The following ANO6 variants were observed in gnomAD, a reference collection of about 807,000 sequenced individuals.
ANO6 encodes the protein anoctamin 6, also known as anoctamin-6.
Under a neutral mutation model 117.5 loss-of-function variants are expected in ANO6, and 106 were observed. That is an observed-to-expected ratio of 0.90 (90% CI 0.77 to 1.06). The LOEUF (loss-of-function observed/expected upper bound fraction) is 1.06, where lower values mean the gene tolerates loss of function less well. ANO6 is among the 50% of genes least tolerant of loss of function. The pLI is 0.00. For synonymous variants in ANO6, 367 were observed against 385.1 expected, an observed-to-expected ratio of 0.95 and a Z score of 0.55; for missense variants, 955 against 1,121.1, an observed-to-expected ratio of 0.85 and a Z score of 2.12.
At chr12:45,368,804 T>C (rs1941749778) in intron 9 of ANO6, among the ~76,000 whole-genome samples, 1 of 152,226 alleles carries the variant, frequency 6.6e-6, no homozygotes, top group Non-Finnish European at 1.5e-5. Context: ...GTATTGCTGT[T>C]ATACTGATGC....
chr12:45,360,625 G>C (rs1593012449), intron 8 of ANO6, among the ~76,000 whole-genome samples: 1 of 152,196 alleles, frequency 6.6e-6, no homozygotes, highest in East Asian at 1.9e-4. Context: ...ATGATCTCCA[G>C]TTTACCTTTT....
intron 16 of ANO6, among the ~76,000 whole-genome samples, chr12:45,413,588 C>G (rs1380210250): frequency 6.6e-6 from 1 of 151,980 alleles, no homozygotes; most frequent in East Asian, 1.9e-4. Flanking sequence ...TGATGAGGCC[C>G]GGGGGTAAAG....
intron 12 of ANO6, among the ~76,000 whole-genome samples, chr12:45,391,077 C>T (rs976205171): frequency 2.0e-5 from 3 of 151,888 alleles, no homozygotes; most frequent in Admixed American, 1.3e-4. Context: ...GTGAAAATCA[C>T]ACCACTGCAC....
At position 45,401,941 on chromosome 12, in the gene ANO6, G is replaced by T; in HGVS notation, c.1533G>T (p.Thr511=). 1 of 1,613,806 alleles carries T rather than the reference G, an allele frequency of 6.2e-7. No homozygotes were observed. The highest frequency in any genetic ancestry group is 1.7e-5 in the Admixed American group (1 of 59,996). ...YLTPQTATSI[T]ASIISFIIIM... ...CTCCACAGACAGCCACGTCCATCAC[G>T]GCCTCCATCATCAGCTTTATAATTA... is the stretch of plus-strand genomic sequence containing the variant. Residue 511 remains threonine, a synonymous_variant, in exon 13 of 20, where the codon ACG becomes ACT. Transcript: ENST00000320560.
chr12:45,375,700 C>G (rs199866005), intron 9 of ANO6, among the ~76,000 whole-genome samples: 1 of 151,308 alleles, frequency 6.6e-6, no homozygotes, highest in Admixed American at 6.6e-5. Context: ...TTACAAAAAT[C>G]AATTCAAGAT....
chr12:45,239,600 GT>G (rs1947705567), intron 1 of ANO6, among the ~76,000 whole-genome samples: 1 of 151,682 alleles, frequency 6.6e-6, no homozygotes, highest in Non-Finnish European at 1.5e-5. Flanking sequence ...TTTTGAATGT[GT>G]TTGCTCTTGC....
At chr12:45,228,618 A>T (rs964299510) in intron 1 of ANO6, among the ~76,000 whole-genome samples, 2 of 152,090 alleles carry the variant, frequency 1.3e-5, no homozygotes, top group Non-Finnish European at 2.9e-5. Context: ...AGAGTTCTAC[A>T]TGATTCTGTT....
chr12:45,342,085 A>T (rs1592989133), intron 3 of ANO6, among the ~76,000 whole-genome samples: 2 of 152,268 alleles, frequency 1.3e-5, no homozygotes, highest in South Asian at 4.1e-4. Flanking sequence ...AACATCACAG[A>T]GCTAGTAAAT....
intron 10 of ANO6, among the ~76,000 whole-genome samples, chr12:45,387,361 T>G (rs972467588): frequency 4.6e-5 from 7 of 152,304 alleles, no homozygotes; most frequent in Admixed American, 3.9e-4. Flanking sequence ...AATATTAATT[T>G]ATTTGGGACA....
chr12:45,424,085 GT>G (rs1185444156), intron 19 of ANO6, among the ~76,000 whole-genome samples: 1 of 151,530 alleles, frequency 6.6e-6, no homozygotes, highest in African/African-American at 2.4e-5. Context: ...CTCACGGTTA[GT>G]ATCTGACTCA....
downstream of ANO6, among the ~76,000 whole-genome samples, chr12:45,433,690 CGT>C (rs1943675272): frequency 7.3e-6 from 1 of 136,370 alleles, no homozygotes; most frequent in African/African-American, 3.7e-5. Flanking sequence ...TTTGAGCCCT[CGT>C]CACCGTCACC....
intron 1 of ANO6, among the ~76,000 whole-genome samples, chr12:45,224,964 G>T (rs1178118035): frequency 1.3e-5 from 2 of 152,134 alleles, no homozygotes; most frequent in African/African-American, 2.4e-5. Context: ...GCCAAGGTGG[G>T]AATATTGCTT....
intron 1 of ANO6, among the ~76,000 whole-genome samples, chr12:45,245,900 A>G (rs1256934397): frequency 6.6e-6 from 1 of 151,900 alleles, no homozygotes; most frequent in Non-Finnish European, 1.5e-5. Context: ...AATTTTGCGT[A>G]GATTCTCTTG....
At chr12:45,240,741 G>A (rs1393399265) in intron 1 of ANO6, among the ~76,000 whole-genome samples, 1 of 152,104 alleles carries the variant, frequency 6.6e-6, no homozygotes. Context: ...TGTAAGGCAG[G>A]CCTGGTGGTG....
intron 7 of ANO6, among the ~76,000 whole-genome samples, chr12:45,351,231 C>G (rs1305558168): frequency 6.6e-6 from 1 of 152,254 alleles, no homozygotes; most frequent in Non-Finnish European, 1.5e-5. Flanking sequence ...AACTGGGATG[C>G]AGACCCACCA....
intron 2 of ANO6, among the ~76,000 whole-genome samples, chr12:45,328,637 C>T (rs1940556688): frequency 6.6e-6 from 1 of 152,050 alleles, no homozygotes; most frequent in South Asian, 2.1e-4. Flanking sequence ...TAAATATTTA[C>T]GTAAAGGCTT....
intron 12 of ANO6, among the ~76,000 whole-genome samples, chr12:45,393,662 C>A (rs946030096): frequency 6.6e-6 from 1 of 152,134 alleles, no homozygotes; most frequent in African/African-American, 2.4e-5. Context: ...AGAAACCCTA[C>A]GAGCCAGAAG....
chr12:45,330,460 C>G (rs1940626771), intron 2 of ANO6, among the ~76,000 whole-genome samples: 2 of 151,992 alleles, frequency 1.3e-5, no homozygotes, highest in Non-Finnish European at 1.5e-5. Context: ...AAAAAGCAGT[C>G]GATTCTTAAC....
chr12:45,315,531 C>T (rs138652257), intron 2 of ANO6, among the ~76,000 whole-genome samples: 9 of 152,164 alleles, frequency 5.9e-5, no homozygotes, highest in Admixed American at 5.2e-4. Flanking sequence ...CCAAGCACTT[C>T]CTATCCGTTA....
Sources: gnomAD v4.1 joint callset for allele counts (sites outside exome capture counted in the v4.1 genomes callset) on GRCh38, gnomAD v4.1.1 for gene constraint, MANE v1.5 for transcripts, NCBI Gene and HGNC (gene_info 2026-07-23, HGNC 2026-07-21) for gene names.